Variants in MGAT4A observed in about 807,000 individuals in gnomAD.
The protein encoded by MGAT4A is N-acetylglucosaminyltransferase IVa.
In MGAT4A, 33 loss-of-function variants were observed where a neutral mutation model predicts 74.1. The ratio of observed to expected loss-of-function variants is 0.45; its 90% CI spans 0.34 to 0.60. The LOEUF (loss-of-function observed/expected upper bound fraction) is 0.60. MGAT4A is among the 20% of genes least tolerant of loss of function. The pLI, the probability that MGAT4A is intolerant of heterozygous loss-of-function variation, is 0.02. For synonymous variants in MGAT4A, 198 were observed against 210.4 expected, an observed-to-expected ratio of 0.94 and a Z score of 0.51; for missense variants, 479 against 628.3, an observed-to-expected ratio of 0.76 and a Z score of 2.54.
chr2:98,653,505 A>G (rs145991445), intron 8 of MGAT4A, among the ~76,000 whole-genome samples: 46 of 152,204 alleles, frequency 3.0e-4, no homozygotes, highest in East Asian at 9.6e-4. Flanking sequence ...ATAACAACTG[A>G]TATCACAGAA....
chr2:98,671,802 C>G (rs549888050), intron 4 of MGAT4A, among the ~76,000 whole-genome samples: 1 of 151,234 alleles, frequency 6.6e-6, no homozygotes, highest in South Asian at 2.1e-4. Context: ...TAATCACAAG[C>G]GTCTTTATGA....
chr2:98,664,988 T>C (rs1007662780), intron 4 of MGAT4A, among the ~76,000 whole-genome samples: 55 of 152,326 alleles, frequency 3.6e-4, no homozygotes, highest in African/African-American at 1.3e-3. Context: ...GTCTTAATCA[T>C]GCAACAATTT....
rs1701665851 is a variant in MGAT4A, at chr2:98,656,605, A to T, written c.585-140T>A. 1.4e-5 allele frequency: 8 copies of T among 562,730 alleles called. 1 individual carries two copies. In the South Asian group the frequency reaches 2.0e-4, roughly 14 times the overall value. The allele number at this position is 562,730 out of a possible 1,614,324, so 34.9% of individuals were successfully genotyped here. A position where few individuals can be genotyped will look rare whatever the true frequency, so the allele number is the denominator to read the frequency against. On this transcript the variant is annotated intron_variant, in intron 6 of 15. Transcript: ENST00000393487. ...AATGTTATGGCCGCAAGGTGTTAAA[A>T]GGAGCAGCTCATCACTGATTTCATT...
rs760769375 is a variant in MGAT4A at position 98,726,279 on chromosome 2, G to C, written c.54C>G (p.Phe18Leu). ...ATGTAGTATACCAAGACAAAGTAAG[G>C]AAGGAAGTGATAAATGCTAAAGCAG... Reference protein sequence around the residue: ...VATALAFITSFLTLSWYTTWQ... With the variant: ...VATALAFITSLLTLSWYTTWQ... The change falls in exon 2 of 16, where the codon TTC (phenylalanine) becomes TTG (leucine). Residue 18 changes from phenylalanine to leucine, a missense_variant. Physicochemically the swap from Phe to Leu is conservative, Grantham distance 22. Around this residue, in one of 3 missense-constraint regions of MGAT4A, gnomAD observed 205 missense variants for 232.7 expected, o/e 0.88. Coordinates refer to ENST00000393487, the MANE Select transcript of MGAT4A (RefSeq NM_012214.3). The C allele has an allele frequency of 6.2e-7, 1 of 1,614,056 alleles. No individual in the cohort carries two copies. Among genetic ancestry groups the C allele is most frequent in the East Asian group, 2.2e-5 (1 of 44,894 alleles).
intron 2 of MGAT4A, chr2:98,695,014 G>A: frequency 6.7e-6 from 1 of 150,116 alleles, no homozygotes. Context: ...GAGCTCACCT[G>A]CCCACTGGCT....
At chr2:98,634,375 G>C (rs1559155184) in intron 14 of MGAT4A, among the ~76,000 whole-genome samples, 1 of 152,184 alleles carries the variant, frequency 6.6e-6, no homozygotes, top group Non-Finnish European at 1.5e-5. Context: ...AAAATGGCTA[G>C]AGATGTGGCT....
At chr2:98,675,710 C>T (rs185137733) in intron 3 of MGAT4A, among the ~76,000 whole-genome samples, 1 of 151,994 alleles carries the variant, frequency 6.6e-6, no homozygotes, top group African/African-American at 2.4e-5. Flanking sequence ...ACCACATCAG[C>T]TAATTTAAAA....
At chr2:98,723,324 CAGG>C (rs1702709580) in intron 2 of MGAT4A, among the ~76,000 whole-genome samples, 1 of 152,158 alleles carries the variant, frequency 6.6e-6, no homozygotes, top group Non-Finnish European at 1.5e-5. Flanking sequence ...ATAGCAGAAG[CAGG>C]AGGAGAGCCG....
At chr2:98,671,370 G>A (rs1332775376) in intron 4 of MGAT4A, among the ~76,000 whole-genome samples, 2 of 152,084 alleles carry the variant, frequency 1.3e-5, no homozygotes, top group Admixed American at 6.5e-5. Flanking sequence ...ATCTTATCAA[G>A]TCATTCTTAA....
chr2:98,704,106 GA>G (rs1702388792), intron 2 of MGAT4A, among the ~76,000 whole-genome samples: 1 of 152,184 alleles, frequency 6.6e-6, no homozygotes, highest in South Asian at 2.1e-4. Context: ...TGTTTACCAT[GA>G]AATCGCCAGT....
At chr2:98,642,858 G>GTT (rs200444630) in intron 10 of MGAT4A, among the ~76,000 whole-genome samples, 1 of 151,862 alleles carries the variant, frequency 6.6e-6, no homozygotes, top group African/African-American at 2.4e-5. Context: ...AATTTTTGTG[G>GTT]TTTTTTTTAA....
chr2:98,712,878 T>C (rs990192910), intron 2 of MGAT4A, among the ~76,000 whole-genome samples: 2 of 152,224 alleles, frequency 1.3e-5, no homozygotes, highest in Non-Finnish European at 2.9e-5. Context: ...AATGCCCTTT[T>C]GGGCCAGGCA....
rs1701017779 is a variant in MGAT4A, at chr2:98,619,697, A to G, written c.*5869T>C. The G allele has an allele frequency of 1.3e-5, 2 of 152,244 alleles. No individual in the cohort carries two copies. Among genetic ancestry groups the G allele is most frequent in the Admixed American group, 6.5e-5 (1 of 15,286 alleles). The allele number at this position is 152,244 out of a possible 1,614,324, so 9.4% of individuals were successfully genotyped here. A position where few individuals can be genotyped will look rare whatever the true frequency, so the allele number is the denominator to read the frequency against. On this transcript the variant is annotated 3_prime_UTR_variant, in exon 16 of 16. Transcript: ENST00000393487. ...AAAGATATTTTCACCAAATTTGAGC[A>G]AACACTGAGCATTTCAAATAAATAA...
chr2:98,710,823 A>G (rs565286717), intron 2 of MGAT4A, among the ~76,000 whole-genome samples: 2 of 152,302 alleles, frequency 1.3e-5, no homozygotes, highest in South Asian at 2.1e-4. Context: ...CCTTCCTCTA[A>G]TAAGTATGTC....
At chr2:98,677,837 AAAG>A (rs994536172) in intron 3 of MGAT4A, among the ~76,000 whole-genome samples, 2 of 145,532 alleles carry the variant, frequency 1.4e-5, no homozygotes, top group African/African-American at 2.5e-5. Context: ...ATTTACTAGA[AAAG>A]AAAGTTTTGT....
At chr2:98,664,226 A>G (rs1701793710) in intron 4 of MGAT4A, among the ~76,000 whole-genome samples, 2 of 149,588 alleles carry the variant, frequency 1.3e-5, no homozygotes, top group Admixed American at 1.3e-4. Context: ...AAAAAAAAAA[A>G]AAAAAGAGAA....
chr2:98,714,327 T>TC (rs1702562130), intron 2 of MGAT4A, among the ~76,000 whole-genome samples: 2 of 152,200 alleles, frequency 1.3e-5, no homozygotes, highest in African/African-American at 4.8e-5. Context: ...CTTCAAGTGA[T>TC]CCACCTGCCT....
Position 98,635,269 on chromosome 2 carries a change from C to G in MGAT4A, c.1421G>C (p.Ser474Thr), listed in dbSNP as rs751374501. The change falls in exon 14 of 16, where the codon AGC (serine) becomes ACC (threonine). Residue 474 changes from serine (S) to threonine (T), a missense_variant. Physicochemically the swap from Ser to Thr is moderately conservative, Grantham distance 58. Coordinates refer to ENST00000393487, the MANE Select transcript of MGAT4A (RefSeq NM_012214.3). ...TAATCGTTTGTCTTTGGTTTCTTTGCTTATTTCCAAACCTTCACTCTAAAA... is the reference window on the plus strand; with the variant it reads ...TAATCGTTTGTCTTTGGTTTCTTTGGTTATTTCCAAACCTTCACTCTAAAA... Reference protein sequence around the residue: ...LPFKSEGLEISKETKDKRLED... With the variant: ...LPFKSEGLEITKETKDKRLED... 6.2e-7 allele frequency: 1 copy of G among 1,608,518 alleles called. No homozygotes were observed. Among genetic ancestry groups the G allele is most frequent in the South Asian group, 1.1e-5 (1 of 90,436 alleles).
chr2:98,726,761 C>G lies in MGAT4A; in HGVS notation c.-235-194G>C, dbSNP rs557795250. ...TCTCCTCCTGGAAAAAAATACAAAA[C>G]AGCTTCAAACTATATTCCCTCCTCA... On this transcript the variant is annotated intron_variant, in intron 1 of 15. Transcript: ENST00000393487. The G allele has an allele frequency of 1.2e-3, 187 of 161,850 alleles. 2 individuals are homozygous for G. Among genetic ancestry groups the G allele is most frequent in the African/African-American group, 3.9e-3 (164 of 41,980 alleles). The allele number at this position is 161,850 out of a possible 1,614,324, so 10.0% of individuals were successfully genotyped here.
Sources: gnomAD v4.1 joint callset for allele counts (sites outside exome capture counted in the v4.1 genomes callset) on GRCh38, gnomAD v4.1.1 for gene constraint, gnomAD v4.1.1 regional missense constraint, MANE v1.5 for transcripts, NCBI Gene and HGNC (gene_info 2026-07-23, HGNC 2026-07-21) for gene names.